Variants in RP1 observed in about 807,000 individuals in gnomAD.
RP1 encodes oxygen-regulated protein 1.
In RP1, 16 loss-of-function variants were observed where a neutral mutation model predicts 14.8. The observed-to-expected ratio is 1.08, with a 90% CI of 0.73 to 1.65. The LOEUF (loss-of-function observed/expected upper bound fraction) is 1.65, where lower values mean the gene tolerates loss of function less well. Ranked by LOEUF, RP1 falls within the 40% of genes most tolerant of loss-of-function variation. The pLI, the probability that RP1 is intolerant of heterozygous loss-of-function variation, is 0.00. For synonymous variants in RP1, 876 were observed against 883.6 expected (o/e 0.99, Z 0.15); for missense variants, 2,631 against 2,535.0 (o/e 1.04, Z -0.81).
At chr8:54,730,903 A>G (rs1226826639) in intron 17 of RP1, among the ~76,000 whole-genome samples, 1 of 152,036 alleles carries the variant, frequency 6.6e-6, no homozygotes, top group Non-Finnish European at 1.5e-5. Context: ...TCACTGTCTT[A>G]TTTTTTGCAG....
At chr8:54,694,851 C>A (rs1164730447) in intron 12 of RP1, among the ~76,000 whole-genome samples, 1 of 151,792 alleles carries the variant, frequency 6.6e-6, no homozygotes, top group Non-Finnish European at 1.5e-5. Context: ...TTATTTCTTG[C>A]CTTCTGCTAG....
chr8:54,762,900 C>T (rs1809675700), intron 22 of RP1, among the ~76,000 whole-genome samples: 1 of 152,146 alleles, frequency 6.6e-6, no homozygotes, highest in South Asian at 2.1e-4. Flanking sequence ...TGGCTGTCTT[C>T]CTTTTGTGTG....
chr8:54,739,905 A>C (rs1449201624), intron 19 of RP1, among the ~76,000 whole-genome samples: 1 of 151,968 alleles, frequency 6.6e-6, no homozygotes, highest in Non-Finnish European at 1.5e-5. Context: ...GTAATGAATT[A>C]CTCATGTATT....
At chr8:54,812,419 G>A (rs1023751341) in intron 24 of RP1, among the ~76,000 whole-genome samples, 9 of 152,136 alleles carry the variant, frequency 5.9e-5, no homozygotes, top group African/African-American at 2.2e-4. Flanking sequence ...GGGATTACAG[G>A]CGTGAGCCAC....
chr8:54,622,527 G>A (rs1805909380), intron 3 of RP1, among the ~76,000 whole-genome samples: 2 of 152,082 alleles, frequency 1.3e-5, no homozygotes, highest in South Asian at 2.1e-4. Context: ...GATGATGTGT[G>A]CTTTTTTGCA....
intron 12 of RP1, among the ~76,000 whole-genome samples, chr8:54,687,852 G>T (rs537125629): frequency 6.6e-6 from 1 of 152,156 alleles, no homozygotes; most frequent in African/African-American, 2.4e-5. Flanking sequence ...GGGTCAAATG[G>T]TATTTCTGGT....
intron 1 of RP1, among the ~76,000 whole-genome samples, chr8:54,618,825 T>A (rs1805788883): frequency 6.6e-6 from 1 of 152,164 alleles, no homozygotes; most frequent in African/African-American, 2.4e-5. Context: ...CATGCCTGGC[T>A]AATTTTTGTA....
At chr8:54,864,702 G>C (rs548372507) in intron 27 of RP1, among the ~76,000 whole-genome samples, 1 of 152,266 alleles carries the variant, frequency 6.6e-6, no homozygotes, top group Admixed American at 6.5e-5. Flanking sequence ...TTCATTTTCT[G>C]TCCCATAGTC....
chr8:54,870,314 A>C (rs1399693265), exon 29 of RP1: 1 of 168,280 alleles, frequency 5.9e-6, no homozygotes, highest in Non-Finnish European at 1.3e-5. Flanking sequence ...TGTCTAAATA[A>C]GTATTCTTTG....
At chr8:54,862,852 A>T (rs566484496) in intron 27 of RP1, among the ~76,000 whole-genome samples, 4 of 152,232 alleles carry the variant, frequency 2.6e-5, no homozygotes, top group African/African-American at 9.6e-5. Context: ...GGCCTCTCGC[A>T]TTGCAGAAAT....
In RP1 at chr8:54,628,970, C is replaced by T. The variant is rs990827678; in HGVS notation, c.5088C>T (p.Phe1696=). The change falls in exon 4 of 4, where the codon TTC becomes TTT. Residue 1696 remains phenylalanine (F), a synonymous_variant. Coordinates refer to ENST00000220676, the MANE Select transcript of RP1 (RefSeq NM_006269.2). The part of the protein sequence containing the change: ...VSSSSSMLQE[F]QEERQDKCDV... ...GTAGTTCATCTATGTTGCAGGAATT[C>T]CAGGAGGAAAGACAAGATAAGTGTG... 26 of 1,613,676 alleles carry T rather than the reference C, an allele frequency of 1.6e-5. No individual in the cohort carries two copies. The highest frequency in any genetic ancestry group is 2.0e-5 in the Non-Finnish European group (24 of 1,179,938).
intron 24 of RP1, among the ~76,000 whole-genome samples, chr8:54,828,279 C>T (rs554108926): frequency 6.6e-6 from 1 of 152,338 alleles, no homozygotes; most frequent in South Asian, 2.1e-4. Context: ...CCCCACCAAG[C>T]CTCCTGTTGA....
intron 22 of RP1, among the ~76,000 whole-genome samples, chr8:54,763,536 C>T (rs576616874): frequency 3.9e-5 from 6 of 152,140 alleles, no homozygotes; most frequent in Admixed American, 1.3e-4. Context: ...CAAAATTAGC[C>T]GGGCATGGTG....
intron 26 of RP1, among the ~76,000 whole-genome samples, chr8:54,855,361 A>T (rs1812167574): frequency 6.6e-6 from 1 of 152,136 alleles, no homozygotes; most frequent in Non-Finnish European, 1.5e-5. Context: ...TTGTTTATCC[A>T]TTTACCCCGT....
At chr8:54,719,260 A>G (rs1808479802) in intron 15 of RP1, among the ~76,000 whole-genome samples, 1 of 152,102 alleles carries the variant, frequency 6.6e-6, no homozygotes. Context: ...TGTCTTCTCT[A>G]CTCGACCATG....
Position 54,627,154 on chromosome 8 carries a change from T to C in RP1, c.3272T>C (p.Leu1091Ser). The C allele has an allele frequency of 6.2e-7, 1 of 1,614,048 alleles. No homozygotes were observed. Among genetic ancestry groups the C allele is most frequent in the East Asian group, 2.2e-5 (1 of 44,882 alleles). ...DLLPVLMLHQ[L>S]QASVPGIHKT... ...TTACCAGTCCTGATGCTTCACCAATTGCAAGCTTCAGTTCCTGGTATTCAC... is the reference window on the plus strand; with the variant it reads ...TTACCAGTCCTGATGCTTCACCAATCGCAAGCTTCAGTTCCTGGTATTCAC... Residue 1091 changes from leucine (L) to serine (S), a missense_variant, in exon 4 of 4, where the codon TTG (leucine) becomes TCG (serine). Leu to Ser is a moderately radical substitution (Grantham distance 145). Transcript: ENST00000220676.
Position 54,627,455 on chromosome 8 carries a change from A to C in RP1, c.3573A>C (p.Thr1191=). 1 of 1,614,192 alleles carries C rather than the reference A, an allele frequency of 6.2e-7. No individual in the cohort carries two copies. Among genetic ancestry groups the C allele is most frequent in the Non-Finnish European group, 8.5e-7 (1 of 1,179,986 alleles). Reference sequence around the variant, plus strand: ...TTGCCAATTTAGTGGAGTCAACTACAAGCCACTTTGGACTCAGTGAGAAAG... The same window carrying C: ...TTGCCAATTTAGTGGAGTCAACTACCAGCCACTTTGGACTCAGTGAGAAAG... ...AAVANLVEST[T]SHFGLSEKEQ... The change falls in exon 4 of 4, where the codon ACA becomes ACC. Residue 1191 remains threonine (T), a synonymous_variant. Coordinates refer to ENST00000220676, the MANE Select transcript of RP1 (RefSeq NM_006269.2).
intron 22 of RP1, among the ~76,000 whole-genome samples, chr8:54,766,124 A>G (rs924140172): frequency 1.3e-5 from 2 of 152,092 alleles, no homozygotes; most frequent in African/African-American, 4.8e-5. Flanking sequence ...TCTGTAACAT[A>G]CTCAGATGTC....
chr8:54,685,500 T>C (rs914476039), intron 12 of RP1, among the ~76,000 whole-genome samples: 7 of 152,192 alleles, frequency 4.6e-5, no homozygotes, highest in African/African-American at 1.7e-4. Context: ...CTAATTTGAC[T>C]GCACTGTGAT....
Sources: allele counts gnomAD v4.1 joint callset (sites outside exome capture counted in the v4.1 genomes callset), GRCh38; gene constraint gnomAD v4.1.1; transcripts MANE v1.5; gene names NCBI Gene and HGNC (gene_info 2026-07-23, HGNC 2026-07-21).